Variants in PAH observed in about 807,000 individuals in gnomAD.
PAH encodes phenylalanine hydroxylase.
Under a neutral mutation model 62.0 loss-of-function variants are expected in PAH, and 64 were observed. That is an observed-to-expected ratio of 1.03 (90% CI 0.84 to 1.27). The LOEUF is 1.27. Ranked by LOEUF, PAH falls within the 50% of genes most tolerant of loss-of-function variation. The pLI is 0.00. For synonymous variants in PAH, 195 were observed against 196.2 expected (o/e 0.99, Z 0.05); for missense variants, 579 against 542.8 (o/e 1.07, Z -0.66).
intron 1 of PAH, among the ~76,000 whole-genome samples, chr12:102,933,673 G>A (rs1878997036): frequency 6.6e-6 from 1 of 152,106 alleles, no homozygotes; most frequent in Non-Finnish European, 1.5e-5. Flanking sequence ...TTGCAGTTTT[G>A]ATTAGCATTT....
intron 3 of PAH, among the ~76,000 whole-genome samples, chr12:102,894,233 T>C (rs1877395662): frequency 6.6e-6 from 1 of 152,106 alleles, no homozygotes; most frequent in Non-Finnish European, 1.5e-5. Flanking sequence ...TTCATGGGTT[T>C]TGTTGAAAAT....
intron 2 of PAH, among the ~76,000 whole-genome samples, chr12:102,907,055 A>C (rs1565871267): frequency 6.6e-6 from 1 of 152,258 alleles, no homozygotes; most frequent in Non-Finnish European, 1.5e-5. Flanking sequence ...TTCTTAAGAA[A>C]TGATATGTTA....
chr12:102,861,966 T>TAAAAAA (rs71097947), intron 5 of PAH, among the ~76,000 whole-genome samples: 42 of 128,468 alleles, frequency 3.3e-4, no homozygotes, highest in African/African-American at 1.1e-3. Context: ...ACTTAAAGTA[T>TAAAAAA]AAAAAAAAAA....
At chr12:102,912,012 A>G (rs1878219703) in intron 2 of PAH, among the ~76,000 whole-genome samples, 1 of 152,242 alleles carries the variant, frequency 6.6e-6, no homozygotes, top group Non-Finnish European at 1.5e-5. Context: ...GCTGCCCAGC[A>G]AACACCCAAA....
At chr12:102,849,742 G>A (rs896797991) in intron 8 of PAH, among the ~76,000 whole-genome samples, 2 of 152,186 alleles carry the variant, frequency 1.3e-5, no homozygotes, top group East Asian at 3.8e-4. Context: ...TGTTCTCTTA[G>A]TCACCATTCT....
chr12:102,909,075 G>A (rs1361441074), intron 2 of PAH, among the ~76,000 whole-genome samples: 3 of 152,088 alleles, frequency 2.0e-5, no homozygotes, highest in African/African-American at 4.8e-5. Flanking sequence ...TGATACTCCC[G>A]CCTCAGCCTC....
Position 102,838,204 on chromosome 12 carries a change from A to G in PAH, c.*971T>C. The G allele has an allele frequency of 6.6e-6, 1 of 152,192 alleles. No individual in the cohort carries two copies. The highest frequency in any genetic ancestry group is 1.9e-4 in the East Asian group (1 of 5,192). The allele number at this position is 152,192 out of a possible 1,614,324, so 9.4% of individuals were successfully genotyped here. ...TTGAGTGTCACAAGGAGCCCCTGCA[A>G]AGGGTTGGAGATATGAGCCTCTGGC... On this transcript the variant is annotated 3_prime_UTR_variant, in exon 13 of 13. Coordinates refer to ENST00000553106, the MANE Select transcript of PAH (RefSeq NM_000277.3).
chr12:102,941,457 G>A (rs1260752644), intron 1 of PAH, among the ~76,000 whole-genome samples: 1 of 152,126 alleles, frequency 6.6e-6, no homozygotes, highest in South Asian at 2.1e-4. Flanking sequence ...TAAAAAGATC[G>A]AGAAAGATCT....
At chr12:102,956,511 G>A (rs551127471) in intron 1 of PAH, among the ~76,000 whole-genome samples, 1 of 152,042 alleles carries the variant, frequency 6.6e-6, no homozygotes, top group East Asian at 2.0e-4. Flanking sequence ...CCGGGCCGCC[G>A]GGCACACGCC....
chr12:102,895,032 A>C (rs1409416823), intron 2 of PAH, 114 bp from the exon 3 acceptor site: 5 of 807,776 alleles, frequency 6.2e-6, no homozygotes, highest in Non-Finnish European at 1.0e-5. Flanking sequence ...TCAAGAATAC[A>C]ATTATTTTTA....
chr12:102,938,995 T>A (rs73395419), intron 1 of PAH, among the ~76,000 whole-genome samples: 2 of 151,476 alleles, frequency 1.3e-5, no homozygotes, highest in Admixed American at 1.3e-4. Context: ...CTCTTTCTGC[T>A]CTTGGGTTGG....
chr12:102,843,664 T>G lies in PAH; in HGVS notation c.1181A>C (p.Asp394Ala), dbSNP rs62516102. Residue 394 changes from aspartate (D) to alanine (A), a missense_variant, in exon 11 of 13, where the codon GAT becomes GCT. Transcript: ENST00000553106. ...PLYYVAESFNDAKEKVRNFAA... is the reference protein window; with the variant it reads ...PLYYVAESFNAAKEKVRNFAA... The stretch of plus-strand genomic sequence containing the variant: ...ACCTCACCTTACTTTCTCCTTGGCA[T>G]CATTAAAACTCTCTGCCACGTAATA... 2 of 1,613,760 alleles carry G rather than the reference T, an allele frequency of 1.2e-6. No homozygotes were observed. Among genetic ancestry groups the G allele is most frequent in the Non-Finnish European group, 1.7e-6 (2 of 1,179,832 alleles).
chr12:102,846,692 A>G (rs200967803), intron 9 of PAH, among the ~76,000 whole-genome samples: 2 of 152,346 alleles, frequency 1.3e-5, no homozygotes, highest in East Asian at 3.9e-4. Context: ...AGATGTAAAC[A>G]TCTGTAGGTA....
intron 7 of PAH, 78 bp from the exon 8 acceptor site, chr12:102,851,834 A>G: frequency 9.6e-7 from 1 of 1,038,538 alleles, no homozygotes. Flanking sequence ...TACATGAGGA[A>G]TGGGCAGAAA....
chr12:102,920,879 G>GAATATCCC (rs1399034159), upstream of PAH, among the ~76,000 whole-genome samples: 2 of 151,290 alleles, frequency 1.3e-5, no homozygotes, highest in Non-Finnish European at 2.9e-5. Flanking sequence ...AAATGGTTCA[G>GAATATCCC]AATATCCCAG....
chr12:102,924,550 T>A (rs1429507064), intron 1 of PAH, among the ~76,000 whole-genome samples: 1 of 152,134 alleles, frequency 6.6e-6, no homozygotes, highest in Non-Finnish European at 1.5e-5. Flanking sequence ...GACAGCAGAA[T>A]TATTTATTGT....
chr12:102,839,961 C>A (rs148723081), intron 12 of PAH, among the ~76,000 whole-genome samples: 1 of 152,238 alleles, frequency 6.6e-6, no homozygotes, highest in East Asian at 1.9e-4. Context: ...AATGAGGTAA[C>A]CCTGTGATAT....
chr12:102,878,116 C>T (rs1451189373), intron 3 of PAH, among the ~76,000 whole-genome samples: 1 of 152,136 alleles, frequency 6.6e-6, no homozygotes, highest in African/African-American at 2.4e-5. Context: ...TGAGCCACTG[C>T]GTCCGGCCAT....
chr12:102,863,810 T>C (rs551145589), intron 5 of PAH, among the ~76,000 whole-genome samples: 33 of 152,242 alleles, frequency 2.2e-4, no homozygotes, highest in African/African-American at 7.5e-4. Flanking sequence ...TCCTTTATGT[T>C]TGAGTTGTTT....
Sources: gnomAD v4.1 joint callset for allele counts (sites outside exome capture counted in the v4.1 genomes callset) on GRCh38, gnomAD v4.1.1 for gene constraint, MANE v1.5 for transcripts, NCBI Gene and HGNC (gene_info 2026-07-23, HGNC 2026-07-21) for gene names.